GRM8: variants seen among roughly 807,000 people sequenced by gnomAD.
The protein encoded by GRM8 is glutamate metabotropic receptor 8, also known as metabotropic glutamate receptor 8.
A neutral mutation model predicts 87.2 loss-of-function variants in GRM8; 47 were observed. The ratio of observed to expected loss-of-function variants is 0.54; its 90% confidence interval spans 0.43 to 0.69. The LOEUF is 0.69. Ranked by LOEUF, GRM8 falls within the 30% of genes least tolerant of loss-of-function variation. The pLI, the probability that GRM8 is intolerant of heterozygous loss-of-function variation, is 0.00. For missense variants in GRM8, 1,019 were observed against 1,139.2 expected, an observed-to-expected ratio of 0.89 and a Z score of 1.52; for synonymous variants, 396 against 404.5, an observed-to-expected ratio of 0.98 and a Z score of 0.25.
At chr7:126,656,909 C>T (rs1052754350) in intron 7 of GRM8, among the ~76,000 whole-genome samples, 10 of 152,182 alleles carry the variant, frequency 6.6e-5, no homozygotes, top group African/African-American at 1.9e-4. Flanking sequence ...CTTCTGACAT[C>T]GGTTGCAGGG....
Position 126,966,583 on chromosome 7 carries a change from A to G in GRM8, c.728-61900T>C, listed in dbSNP as rs1809891745. 2.0e-5 allele frequency among the ~76,000 whole-genome samples: 3 copies of G among 152,282 alleles called. No homozygotes were observed. The South Asian group carries it at 6.2e-4, about 32-fold the overall frequency. On this transcript the variant is annotated intron_variant, in intron 3 of 10. Coordinates refer to ENST00000339582, the MANE Select transcript of GRM8 (RefSeq NM_000845.3). ...GAGAGAAAGAGAGAAATATATATAA[A>G]GTGATATATGTATAATGATTTCTAT... is the stretch of plus-strand genomic sequence containing the variant.
chr7:126,885,537 T>C (rs1231615911), intron 6 of GRM8, among the ~76,000 whole-genome samples: 1 of 152,084 alleles, frequency 6.6e-6, no homozygotes, highest in East Asian at 1.9e-4. Flanking sequence ...TTAAATATCT[T>C]TGATAGGCCT....
intron 2 of GRM8, among the ~76,000 whole-genome samples, chr7:127,198,025 GGTT>G (rs1195773646): frequency 1.3e-5 from 2 of 151,666 alleles, no homozygotes; most frequent in Non-Finnish European, 2.9e-5. Flanking sequence ...GGCCTAATGA[GGTT>G]GTCTTTGATT....
In GRM8 at chr7:126,904,056, C is replaced by G; in HGVS notation, c.934G>C (p.Gly312Arg). ...TGATAGACAGGTGCTATTTTGGATC[C>G]CCAACTATCTGAGCCAATCCAGAGA... is the stretch of plus-strand genomic sequence containing the variant. ...HFLWIGSDSWGSKIAPVYQQE... is the reference protein window; with the variant it reads ...HFLWIGSDSWRSKIAPVYQQE... The change falls in exon 5 of 11, where the codon GGA becomes CGA. Residue 312 changes from glycine (G) to arginine (R), a missense_variant. Transcript: ENST00000339582. 14 of 1,610,566 alleles carry G rather than the reference C, an allele frequency of 8.7e-6. No individual in the cohort carries two copies. The highest frequency in any genetic ancestry group is 1.1e-5 in the Non-Finnish European group (13 of 1,177,572).
chr7:126,644,689 G>GAAC (rs1275458005), intron 7 of GRM8, among the ~76,000 whole-genome samples: 1 of 152,184 alleles, frequency 6.6e-6, no homozygotes, highest in African/African-American at 2.4e-5. Context: ...AGTGGGGAAA[G>GAAC]AACAACTGGC....
At chr7:126,652,384 T>A (rs1457491165) in intron 7 of GRM8, among the ~76,000 whole-genome samples, 1 of 152,154 alleles carries the variant, frequency 6.6e-6, no homozygotes, top group Non-Finnish European at 1.5e-5. Flanking sequence ...TAATACTGAG[T>A]GTCAACTTGA....
chr7:126,547,513 A>G (rs1369283098), intron 8 of GRM8, among the ~76,000 whole-genome samples: 1 of 151,940 alleles, frequency 6.6e-6, no homozygotes, highest in Non-Finnish European at 1.5e-5. Flanking sequence ...ATAATTCTGG[A>G]TAATAATTAT....
chr7:126,685,222 C>A lies in GRM8; in HGVS notation c.1358-75724G>T, dbSNP rs1808035603. Among the ~76,000 whole-genome samples, 1 of 152,194 alleles carries A rather than the reference C, an allele frequency of 6.6e-6. No homozygotes were observed. The highest frequency in any genetic ancestry group is 1.5e-5 in the Non-Finnish European group (1 of 68,016). On this transcript the variant is annotated intron_variant, in intron 7 of 10. Transcript: ENST00000339582. This position sits in a 1 kb window ranked among gnomAD's most constrained non-coding sequence, Gnocchi z 4.2. ...CCCTGGGGGACCCCCTGGAGCCTAC[C>A]ACCCTGGGGGCCACCATGATGGGGC...
chr7:127,107,248 A>G (rs1233314696), intron 2 of GRM8, among the ~76,000 whole-genome samples: 1 of 152,188 alleles, frequency 6.6e-6, no homozygotes, highest in Non-Finnish European at 1.5e-5. Flanking sequence ...AAGTCTATTG[A>G]CTGTTTATTG....
chr7:127,044,179 C>T (rs1011609949), intron 3 of GRM8, among the ~76,000 whole-genome samples: 3 of 152,162 alleles, frequency 2.0e-5, no homozygotes, highest in African/African-American at 7.2e-5. Context: ...AGGAGGGTAT[C>T]TGAGAGGAAG....
chr7:126,761,070 C>T (rs1817540150), intron 7 of GRM8, among the ~76,000 whole-genome samples: 1 of 152,090 alleles, frequency 6.6e-6, no homozygotes, highest in African/African-American at 2.4e-5. Context: ...TGGCGGCATG[C>T]ACCTGTAGTC....
intron 8 of GRM8, among the ~76,000 whole-genome samples, chr7:126,597,702 T>C (rs1797345473): frequency 6.6e-6 from 1 of 152,112 alleles, no homozygotes; most frequent in Non-Finnish European, 1.5e-5. Flanking sequence ...TAAAAACACA[T>C]TTCTTGCTTC....
At chr7:126,966,699 ACT>A (rs1809904518) in intron 3 of GRM8, among the ~76,000 whole-genome samples, 1 of 152,218 alleles carries the variant, frequency 6.6e-6, no homozygotes, top group Non-Finnish European at 1.5e-5. Flanking sequence ...CAGCCAGAAA[ACT>A]TTTTATTTAC....
intron 6 of GRM8, among the ~76,000 whole-genome samples, chr7:126,886,717 C>T (rs948233959): frequency 5.3e-5 from 8 of 152,052 alleles, no homozygotes; most frequent in African/African-American, 1.9e-4. Flanking sequence ...TTTCTTTATC[C>T]AAAATGTATA....
Position 127,163,619 on chromosome 7 carries a change from T to C in GRM8, c.511-56907A>G, listed in dbSNP as rs1184646174. On this transcript the variant is annotated intron_variant, in intron 2 of 10. Coordinates refer to ENST00000339582, the MANE Select transcript of GRM8 (RefSeq NM_000845.3). ...ATAAGAATGATACTGTGATTATTTT[T>C]TCAAGTGGGCTTTACCTTTTAGAGA... 2.6e-5 allele frequency among the ~76,000 whole-genome samples: 4 copies of C among 152,208 alleles called. 1 individual carries two copies. Among genetic ancestry groups the C allele is most frequent in the African/African-American group, 9.6e-5 (4 of 41,464 alleles).
chr7:126,763,470 T>TAC lies in GRM8; in HGVS notation c.1357+6394_1357+6395insGT, dbSNP rs1170149659. ...ATATATATATATATATATATATATA[T>TAC]ATACACACACACACACACACACACA... is the stretch of plus-strand genomic sequence containing the variant. On this transcript the variant is annotated intron_variant, in intron 7 of 10. Transcript: ENST00000339582. 6.5e-4 allele frequency among the ~76,000 whole-genome samples: 30 copies of TAC among 45,844 alleles called. No individual in the cohort carries two copies. In the East Asian group the frequency reaches 7.0e-3, roughly 11 times the overall value. The allele number at this position is 45,844 out of a possible 152,430, so 30.1% of individuals were successfully genotyped here. A position where few individuals can be genotyped will look rare whatever the true frequency, so the allele number is the denominator to read the frequency against.
chr7:126,480,171 G>C (rs1806499297), intron 9 of GRM8, among the ~76,000 whole-genome samples: 1 of 152,078 alleles, frequency 6.6e-6, no homozygotes, highest in East Asian at 1.9e-4. Flanking sequence ...GATCACATGA[G>C]GCCATGAGTT....
At chr7:126,471,666 C>T (rs1018803303) in intron 9 of GRM8, among the ~76,000 whole-genome samples, 19 of 151,732 alleles carry the variant, frequency 1.3e-4, no homozygotes, top group East Asian at 3.9e-4. Flanking sequence ...ATTGACTTGG[C>T]GATGCGGGCT....
chr7:127,175,108 G>GA (rs1363557758), intron 2 of GRM8, among the ~76,000 whole-genome samples: 3 of 151,988 alleles, frequency 2.0e-5, no homozygotes, highest in South Asian at 2.1e-4. Flanking sequence ...CCCACCTAAT[G>GA]AAAAAAATGT....
Sources: allele counts gnomAD v4.1 joint callset (sites outside exome capture counted in the v4.1 genomes callset), GRCh38; gene constraint gnomAD v4.1.1; non-coding constraint Gnocchi (gnomAD v3.1); transcripts MANE v1.5; gene names NCBI Gene and HGNC (gene_info 2026-07-23, HGNC 2026-07-21).